The following CYRIA variants were observed in gnomAD, a reference collection of about 807,000 sequenced individuals.
CYRIA encodes CYFIP related Rac1 interactor A, also known as CYFIP-related Rac1 interactor A.
A neutral mutation model predicts 43.9 loss-of-function variants in CYRIA; 15 were observed. That is an observed-to-expected ratio of 0.34 (90% CI 0.23 to 0.53). The LOEUF (loss-of-function observed/expected upper bound fraction) is 0.53, where lower values mean the gene tolerates loss of function less well. CYRIA is among the 20% of genes least tolerant of loss of function. The pLI is 0.94. For synonymous variants in CYRIA, 117 were observed against 136.0 expected, an observed-to-expected ratio of 0.86 and a Z score of 0.97; for missense variants, 236 against 394.2, an observed-to-expected ratio of 0.60 and a Z score of 3.40.
chr2:16,608,724 T>A (rs1668493770), intron 2 of CYRIA, among the ~76,000 whole-genome samples: 1 of 152,148 alleles, frequency 6.6e-6, no homozygotes, highest in Non-Finnish European at 1.5e-5. Flanking sequence ...ATGCAGTAGG[T>A]CCTAACAAAT....
Position 16,561,143 on chromosome 2 carries a change from T to C in CYRIA, c.630+18A>G. On this transcript the variant is annotated intron_variant, in intron 8 of 11. Transcript: ENST00000381323. ...TGGAATTAAGGAAAAAAGCACCTCG[T>C]TGCTCAACTTCACTTACTTCAGAGA... 1.2e-6 allele frequency: 2 copies of C among 1,611,124 alleles called. No individual in the cohort carries two copies. Among genetic ancestry groups the C allele is most frequent in the Non-Finnish European group, 1.7e-6 (2 of 1,177,338 alleles).
At chr2:16,563,015 T>C (rs1343608750) in intron 5 of CYRIA, among the ~76,000 whole-genome samples, 1 of 152,142 alleles carries the variant, frequency 6.6e-6, no homozygotes, top group Non-Finnish European at 1.5e-5. Context: ...TTTATAGCAT[T>C]TCTACCGGGA....
intron 2 of CYRIA, among the ~76,000 whole-genome samples, chr2:16,603,680 ACGCTT>A (rs1260525588): frequency 6.6e-6 from 1 of 152,216 alleles, no homozygotes; most frequent in Non-Finnish European, 1.5e-5. Context: ...ATAATTACAT[ACGCTT>A]TCTCCTGTAT....
rs1572184428 is a variant in CYRIA, at chr2:16,623,863, C to T, written c.-11+1G>A. On this transcript the variant is annotated splice_donor_variant, in intron 2 of 11. Coordinates refer to ENST00000381323, the MANE Select transcript of CYRIA (RefSeq NM_030797.4). LOFTEE classifies it low-confidence loss of function (5UTR_SPLICE). ...TATAACGAAAGTCAATTGTTTCTTA[C>T]CTGGAAATATCTCCTGTGATTCAGT... 1 of 152,196 alleles carries T rather than the reference C, an allele frequency of 6.6e-6. No homozygotes were observed. The highest frequency in any genetic ancestry group is 2.1e-4 in the South Asian group (1 of 4,834). The allele number at this position is 152,196 out of a possible 1,614,324, so 9.4% of individuals were successfully genotyped here.
chr2:16,581,154 A>G (rs1199383251), intron 3 of CYRIA, among the ~76,000 whole-genome samples: 1 of 152,236 alleles, frequency 6.6e-6, no homozygotes. Flanking sequence ...CAATAAGAAA[A>G]TAAGTAGGTA....
At chr2:16,583,395 A>C (rs1667618249) in intron 3 of CYRIA, among the ~76,000 whole-genome samples, 1 of 152,204 alleles carries the variant, frequency 6.6e-6, no homozygotes, top group African/African-American at 2.4e-5. Flanking sequence ...CATGAATTAA[A>C]GGTGGTTCAC....
chr2:16,566,053 C>T (rs1666921129), intron 3 of CYRIA, among the ~76,000 whole-genome samples: 2 of 152,112 alleles, frequency 1.3e-5, no homozygotes, highest in African/African-American at 4.8e-5. Context: ...TGCACACCTG[C>T]TACGTAAAAC....
chr2:16,614,442 T>C (rs915343030), intron 2 of CYRIA, among the ~76,000 whole-genome samples: 2 of 152,250 alleles, frequency 1.3e-5, no homozygotes. Context: ...GACTCAGCGA[T>C]GCTCTATCCT....
chr2:16,641,856 G>T (rs1306950538), intron 1 of CYRIA, among the ~76,000 whole-genome samples: 1 of 152,150 alleles, frequency 6.6e-6, no homozygotes, highest in Admixed American at 6.5e-5. Context: ...TGAAGCCAAT[G>T]GTCAACTCTC....
intron 2 of CYRIA, among the ~76,000 whole-genome samples, chr2:16,613,020 C>T (rs899857736): frequency 2.0e-5 from 3 of 152,208 alleles, no homozygotes; most frequent in African/African-American, 4.8e-5. Context: ...TGACTTTGCT[C>T]CTCATTCGTC....
intron 3 of CYRIA, among the ~76,000 whole-genome samples, chr2:16,581,938 A>T (rs1182888730): frequency 1.3e-5 from 2 of 152,246 alleles, no homozygotes; most frequent in Non-Finnish European, 2.9e-5. Flanking sequence ...AAAACATACA[A>T]AAAAGCATAT....
At chr2:16,575,054 C>T (rs1010680593) in intron 3 of CYRIA, among the ~76,000 whole-genome samples, 2 of 152,160 alleles carry the variant, frequency 1.3e-5, no homozygotes, top group South Asian at 2.1e-4. Flanking sequence ...AAGCTAAAGG[C>T]GCAGAGATGC....
Position 16,550,908 on chromosome 2 carries a change from T to C in CYRIA, c.*2028A>G, listed in dbSNP as rs1666285549. 1 of 152,180 alleles carries C rather than the reference T, an allele frequency of 6.6e-6. No individual in the cohort carries two copies. Among genetic ancestry groups the C allele is most frequent in the African/African-American group, 2.4e-5 (1 of 41,448 alleles). 9.4% of individuals were successfully genotyped at this position (152,180 alleles called of 1,614,324 possible). A position where few individuals can be genotyped will look rare whatever the true frequency, so the allele number is the denominator to read the frequency against. The stretch of plus-strand genomic sequence containing the variant: ...TCAAGTGTAACATGTGACTGCCAAA[T>C]AGGATATCTCTTAAGATGAATATCT... On this transcript the variant is annotated 3_prime_UTR_variant, in exon 12 of 12. Transcript: ENST00000381323.
Position 16,550,776 on chromosome 2 carries a change from T to G in CYRIA, c.*2160A>C, listed in dbSNP as rs1666279896. On this transcript the variant is annotated 3_prime_UTR_variant, in exon 12 of 12. Transcript: ENST00000381323. ...GAGCCCTGTGGTGGCTGGCAAGTCC[T>G]TTCCTTTCTTTAAGCCTTAATCTCC... The G allele has an allele frequency of 6.6e-6, 1 of 152,190 alleles. No individual in the cohort carries two copies. Among genetic ancestry groups the G allele is most frequent in the African/African-American group, 2.4e-5 (1 of 41,450 alleles). 9.4% of individuals were successfully genotyped at this position (152,190 alleles called of 1,614,324 possible).
chr2:16,608,632 G>A (rs527934790), intron 2 of CYRIA, among the ~76,000 whole-genome samples: 1 of 152,068 alleles, frequency 6.6e-6, no homozygotes, highest in South Asian at 2.1e-4. Context: ...TTAGTAAAAT[G>A]CAAATCAAAA....
chr2:16,593,127 T>A (rs991345395), intron 2 of CYRIA, among the ~76,000 whole-genome samples: 1 of 152,176 alleles, frequency 6.6e-6, no homozygotes, highest in Non-Finnish European at 1.5e-5. Flanking sequence ...ATATTACCTA[T>A]AATTGTTCAA....
At chr2:16,647,622 C>T (rs1350854164) in intron 1 of CYRIA, among the ~76,000 whole-genome samples, 1 of 152,192 alleles carries the variant, frequency 6.6e-6, no homozygotes, top group African/African-American at 2.4e-5. Context: ...TCACTGCTGT[C>T]TTCATTTACT....
intron 2 of CYRIA, among the ~76,000 whole-genome samples, chr2:16,599,922 A>G (rs1241246099): frequency 6.6e-6 from 1 of 152,124 alleles, no homozygotes; most frequent in Non-Finnish European, 1.5e-5. Flanking sequence ...ACACCCAGCT[A>G]ATTTTTGTAT....
rs1306042428 is a variant in CYRIA at position 16,552,643 on chromosome 2, A to AT, written c.*292dup. 5.3e-5 allele frequency: 15 copies of AT among 283,602 alleles called. No individual in the cohort carries two copies. Among genetic ancestry groups the AT allele is most frequent in the Non-Finnish European group, 7.9e-5 (12 of 152,576 alleles). 17.6% of individuals were successfully genotyped at this position (283,602 alleles called of 1,614,324 possible). On this transcript the variant is annotated 3_prime_UTR_variant, in exon 12 of 12. Transcript: ENST00000381323. ...AAAATACTACCACAAACAATTAGGA[A>AT]TTTTTTATCGTTATAGATGTTGTTA...
Sources: allele counts gnomAD v4.1 joint callset (sites outside exome capture counted in the v4.1 genomes callset), GRCh38; gene constraint gnomAD v4.1.1; transcripts MANE v1.5; gene names NCBI Gene and HGNC (gene_info 2026-07-23, HGNC 2026-07-21).